The following MRTFB variants were observed in gnomAD, a reference collection of about 807,000 sequenced individuals.
MRTFB encodes the protein myocardin-related transcription factor B.
In MRTFB, 29 loss-of-function variants were observed where a neutral mutation model predicts 104.2. The ratio of observed to expected loss-of-function variants is 0.28; its 90% confidence interval spans 0.21 to 0.38. The LOEUF (loss-of-function observed/expected upper bound fraction) is 0.38. Among genes scored for constraint, MRTFB ranks in the 10% least tolerant of loss-of-function variants. The probability of loss-of-function intolerance (pLI) is 1.00; values close to 1 mark genes in which losing one functional copy is unlikely to be tolerated. For synonymous variants in MRTFB, 535 were observed against 519.5 expected, an observed-to-expected ratio of 1.03 and a Z score of -0.41; for missense variants, 1,270 against 1,341.6, an observed-to-expected ratio of 0.95 and a Z score of 0.83.
At chr16:14,117,830 A>G (rs892047173) in intron 2 of MRTFB, among the ~76,000 whole-genome samples, 10 of 152,206 alleles carry the variant, frequency 6.6e-5, no homozygotes, top group African/African-American at 2.2e-4. Context: ...AAGACTAGAA[A>G]GGAAAAAAGA....
the MRTFB span, among the ~76,000 whole-genome samples, chr16:14,053,855 C>A: frequency 6.6e-6 from 1 of 152,230 alleles, no homozygotes; most frequent in South Asian, 2.1e-4. Flanking sequence ...GCCACTGCAT[C>A]CAGCCTGGGA....
At chr16:14,038,445 G>A in the MRTFB span, among the ~76,000 whole-genome samples, 1 of 152,148 alleles carries the variant, frequency 6.6e-6, no homozygotes, top group Non-Finnish European at 1.5e-5. Context: ...TGCTCCTGTG[G>A]TGGTGGGACT....
intron 2 of MRTFB, among the ~76,000 whole-genome samples, chr16:14,080,875 A>G (rs946659378): frequency 6.6e-6 from 1 of 152,238 alleles, no homozygotes; most frequent in African/African-American, 2.4e-5. Flanking sequence ...CGTTGTGTAT[A>G]TATACCACAT....
At chr16:14,245,483 A>G (rs758245325) in intron 10 of MRTFB, 45 bp from the exon 11 acceptor site, 1 of 1,539,828 alleles carries the variant, frequency 6.5e-7, no homozygotes, top group Non-Finnish European at 8.8e-7. Context: ...TGTCAAATCT[A>G]GAAATTATTT....
At chr16:14,003,655 TCCCTCCCTCCC>T in the MRTFB span, among the ~76,000 whole-genome samples, 4 of 138,668 alleles carry the variant, frequency 2.9e-5, no homozygotes, top group Non-Finnish European at 6.2e-5. Flanking sequence ...CCTCCCTCCC[TCCCTCCCTCCC>T]TCCCTTCCTT....
chr16:14,191,991 T>C (rs1451514913), intron 3 of MRTFB: 2 of 152,200 alleles, frequency 1.3e-5, no homozygotes, highest in Non-Finnish European at 2.9e-5. Context: ...ACGTCTATTT[T>C]GATTTCTTTT....
At chr16:14,241,375 A>G (rs1375080585) in intron 10 of MRTFB, 1 of 152,310 alleles carries the variant, frequency 6.6e-6, no homozygotes. Flanking sequence ...CTGAATTCAC[A>G]GCAAGACATC....
At chr16:14,078,684 C>T (rs2034214312) in intron 1 of MRTFB, among the ~76,000 whole-genome samples, 2 of 151,854 alleles carry the variant, frequency 1.3e-5, no homozygotes, top group South Asian at 4.2e-4. Context: ...CCCACCTTGG[C>T]CTCACCAAGC....
intron 16 of MRTFB, among the ~76,000 whole-genome samples, chr16:14,259,698 C>G (rs773115925): frequency 4.9e-4 from 74 of 152,278 alleles, no homozygotes; most frequent in Non-Finnish European, 8.8e-4. Context: ...CTGCAATGAG[C>G]TGAGATCATG....
chr16:14,071,803 C>A (rs1196054469), intron 1 of MRTFB, among the ~76,000 whole-genome samples: 1 of 152,292 alleles, frequency 6.6e-6, no homozygotes, highest in South Asian at 2.1e-4. Flanking sequence ...CCCTGCGCCC[C>A]CTTCCTCTTC....
chr16:14,186,222 A>G (rs1189627019), intron 3 of MRTFB, among the ~76,000 whole-genome samples: 1 of 152,272 alleles, frequency 6.6e-6, no homozygotes, highest in East Asian at 1.9e-4. Context: ...CACATGCAAC[A>G]CAAAGCACAC....
chr16:14,069,825 C>G (rs1237616992), upstream of MRTFB, among the ~76,000 whole-genome samples: 3 of 152,304 alleles, frequency 2.0e-5, no homozygotes, highest in Admixed American at 6.5e-5. Flanking sequence ...CTGGAGAACC[C>G]TAATACAGGG....
chr16:14,239,485 C>G (rs755961078), intron 9 of MRTFB, among the ~76,000 whole-genome samples: 3 of 152,194 alleles, frequency 2.0e-5, no homozygotes, highest in Non-Finnish European at 4.4e-5. Flanking sequence ...ATGTTCCCTA[C>G]AGAAGCTTAG....
intron 3 of MRTFB, among the ~76,000 whole-genome samples, chr16:14,192,327 T>G (rs1159588783): frequency 1.3e-5 from 2 of 152,110 alleles, no homozygotes; most frequent in Non-Finnish European, 2.9e-5. Context: ...TAAGCTGTGA[T>G]CATGCCACTG....
the MRTFB span, among the ~76,000 whole-genome samples, chr16:14,064,037 T>C: frequency 1.3e-5 from 2 of 152,210 alleles, no homozygotes; most frequent in Admixed American, 6.5e-5. Flanking sequence ...TTTAAGTTCA[T>C]TGAGAAATTG....
chr16:14,253,250 C>T (rs1392317620), intron 15 of MRTFB, among the ~76,000 whole-genome samples: 1 of 152,148 alleles, frequency 6.6e-6, no homozygotes, highest in Non-Finnish European at 1.5e-5. Context: ...AGCTTTCTGT[C>T]AAAGCTTAAA....
intron 8 of MRTFB, among the ~76,000 whole-genome samples, chr16:14,223,088 C>G (rs535643682): frequency 3.3e-5 from 5 of 152,204 alleles, no homozygotes; most frequent in African/African-American, 9.6e-5. Flanking sequence ...AGGTGGATTG[C>G]TTGAGCTCAG....
the MRTFB span, among the ~76,000 whole-genome samples, chr16:14,036,106 TAA>T: frequency 7.7e-5 from 1 of 13,026 alleles, no homozygotes; most frequent in Non-Finnish European, 1.6e-4. Flanking sequence ...ATTATATATA[TAA>T]TATATATTAT....
In MRTFB at chr16:14,206,626, C is replaced by T. The variant is rs577149725; in HGVS notation, c.155-3617C>T. 9.2e-5 allele frequency among the ~76,000 whole-genome samples: 14 copies of T among 152,270 alleles called. 1 individual carries two copies. The South Asian group carries it at 1.2e-3, about 14-fold the overall frequency. ...AGGCTTGAGTGCAATGGCACGATCT[C>T]GGCTCACTGGGTTCAAACGATTCTT... On this transcript the variant is annotated intron_variant, in intron 3 of 16. Coordinates refer to ENST00000571589, the MANE Select transcript of MRTFB (RefSeq NM_001308142.2).
Sources: gnomAD v4.1 joint callset for allele counts (sites outside exome capture counted in the v4.1 genomes callset) on GRCh38, gnomAD v4.1.1 for gene constraint, MANE v1.5 for transcripts, NCBI Gene and HGNC (gene_info 2026-07-23, HGNC 2026-07-21) for gene names.